The following AOAH variants were observed in gnomAD, a reference collection of about 807,000 sequenced individuals.
AOAH encodes the protein acyloxyacyl hydrolase, also known as acyloxyacyl hydrolase (neutrophil).
Under a neutral mutation model 92.2 loss-of-function variants are expected in AOAH, and 64 were observed. That is an observed-to-expected ratio of 0.69 (90% CI 0.57 to 0.86). AOAH has a LOEUF of 0.86. Among genes scored for constraint, AOAH ranks in the 40% least tolerant of loss-of-function variants. The probability of loss-of-function intolerance (pLI) is 0.00; values close to 1 mark genes in which losing one functional copy is unlikely to be tolerated. For synonymous variants in AOAH, 263 were observed against 254.5 expected (o/e 1.03, Z -0.32); for missense variants, 656 against 694.6 (o/e 0.94, Z 0.62).
At chr7:36,620,981 A>C in intron 8 of AOAH, 152 bp from the exon 9 acceptor site, 1 of 712,076 alleles carries the variant, frequency 1.4e-6, no homozygotes, top group South Asian at 2.0e-5. Flanking sequence ...ATCACATCCC[A>C]TTGTGTGTTG....
intron 12 of AOAH, among the ~76,000 whole-genome samples, chr7:36,591,701 C>T (rs993901003): frequency 6.6e-6 from 1 of 152,126 alleles, no homozygotes; most frequent in Non-Finnish European, 1.5e-5. Flanking sequence ...GGTGGGAGGA[C>T]AGAACAGATG....
At chr7:36,657,321 C>T (rs117041910) in intron 4 of AOAH, among the ~76,000 whole-genome samples, 2,933 of 152,202 alleles carry the variant, frequency 0.019, 72 homozygotes, top group Non-Finnish European at 0.023. Context: ...CAGGAAGTCA[C>T]ATAACTTCTC....
At chr7:36,563,037 C>T (rs1367612306) in intron 13 of AOAH, among the ~76,000 whole-genome samples, 1 of 151,038 alleles carries the variant, frequency 6.6e-6, no homozygotes, top group Non-Finnish European at 1.5e-5. Flanking sequence ...ATCCCAGCTA[C>T]TCAGGAGGCT....
intron 1 of AOAH, among the ~76,000 whole-genome samples, chr7:36,716,708 C>A (rs1208672510): frequency 6.7e-6 from 1 of 149,778 alleles, no homozygotes; most frequent in Non-Finnish European, 1.5e-5. Flanking sequence ...TCATCCTCAG[C>A]AAACTATCAG....
At chr7:36,651,662 C>T (rs901411957) in intron 4 of AOAH, among the ~76,000 whole-genome samples, 1 of 152,180 alleles carries the variant, frequency 6.6e-6, no homozygotes, top group African/African-American at 2.4e-5. Flanking sequence ...GAATGTGCTC[C>T]AGAATCTATG....
chr7:36,592,179 G>C (rs763449363), intron 12 of AOAH, among the ~76,000 whole-genome samples: 1 of 152,118 alleles, frequency 6.6e-6, no homozygotes, highest in Non-Finnish European at 1.5e-5. Context: ...CTTTTATTGA[G>C]AAATGACTAG....
chr7:36,628,030 G>A (rs1018105684), intron 6 of AOAH, among the ~76,000 whole-genome samples: 2 of 152,116 alleles, frequency 1.3e-5, no homozygotes, highest in Non-Finnish European at 2.9e-5. Context: ...TATGTGGGTG[G>A]ATGTGTTATC....
chr7:36,557,250 G>A (rs1583812289), intron 13 of AOAH, among the ~76,000 whole-genome samples: 3 of 151,808 alleles, frequency 2.0e-5, no homozygotes, highest in Admixed American at 6.6e-5. Context: ...ATGAAGCTTA[G>A]TTTGGCTGGA....
intron 1 of AOAH, among the ~76,000 whole-genome samples, chr7:36,718,802 T>G (rs1799428237): frequency 6.6e-6 from 1 of 151,976 alleles, no homozygotes. Context: ...AAATGGGGAG[T>G]AAATGCTAAG....
In AOAH at chr7:36,594,398, G is replaced by A; in HGVS notation, c.879C>T (p.Thr293=). 1 of 1,614,028 alleles carries A rather than the reference G, an allele frequency of 6.2e-7. No homozygotes were observed. Among genetic ancestry groups the A allele is most frequent in the Non-Finnish European group, 8.5e-7 (1 of 1,179,910 alleles). Residue 293 remains threonine (T), a synonymous_variant, in exon 12 of 21, where the codon ACC becomes ACT. Coordinates refer to ENST00000617537, the MANE Select transcript of AOAH (RefSeq NM_001637.4). ...AGAGTTGGGGCCAGTCAAGCTCGTT[G>A]GTAAGGGCTGTTGGTAGATTGATGA... The part of the protein sequence containing the change: ...NSFINLPTAL[T]NELDWPQLSG...
chr7:36,716,999 AATAAATAAATAAAT>A (rs1365089456), intron 1 of AOAH, among the ~76,000 whole-genome samples: 2 of 151,454 alleles, frequency 1.3e-5, no homozygotes, highest in East Asian at 3.9e-4. Context: ...TAAATAAATA[AATAAATAAATAAAT>A]AAATAAAAAA....
chr7:36,700,315 T>C (rs968715280), intron 1 of AOAH, among the ~76,000 whole-genome samples: 9 of 152,152 alleles, frequency 5.9e-5, no homozygotes, highest in Admixed American at 3.3e-4. Context: ...TAATTTCTCT[T>C]TCCTCACTCC....
chr7:36,691,016 A>G (rs1347485778), intron 1 of AOAH, among the ~76,000 whole-genome samples: 2 of 152,230 alleles, frequency 1.3e-5, no homozygotes, highest in East Asian at 3.9e-4. Flanking sequence ...TGAAACCCAC[A>G]CTTTGCTGAA....
At position 36,570,057 on chromosome 7, in the gene AOAH, G is replaced by A. The variant is rs150267801; in HGVS notation, c.1021+6517C>T. 1.3e-3 allele frequency among the ~76,000 whole-genome samples: 202 copies of A among 151,974 alleles called. 1 individual carries two copies. Among genetic ancestry groups the A allele is most frequent in the African/African-American group, 4.7e-3 (193 of 41,412 alleles). On this transcript the variant is annotated intron_variant, in intron 13 of 20. Coordinates refer to ENST00000617537, the MANE Select transcript of AOAH (RefSeq NM_001637.4). ...CTGTTCTCTTAATAGATTTTTAAGCGCACAATACAGTACTATCATCTCTAG... is the reference window on the plus strand; with the variant it reads ...CTGTTCTCTTAATAGATTTTTAAGCACACAATACAGTACTATCATCTCTAG...
intron 11 of AOAH, among the ~76,000 whole-genome samples, chr7:36,597,023 T>C (rs1790176578): frequency 6.6e-6 from 1 of 152,160 alleles, no homozygotes; most frequent in African/African-American, 2.4e-5. Flanking sequence ...CCTTCTTCAA[T>C]TGCCTCCTCC....
chr7:36,560,448 A>T (rs1407888234), intron 13 of AOAH, among the ~76,000 whole-genome samples: 1 of 151,720 alleles, frequency 6.6e-6, no homozygotes, highest in East Asian at 1.9e-4. Flanking sequence ...GAGGTCTTTG[A>T]CCTCCTTGGT....
At chr7:36,717,360 T>A (rs1584190025) in intron 1 of AOAH, among the ~76,000 whole-genome samples, 1 of 152,252 alleles carries the variant, frequency 6.6e-6, no homozygotes, top group Admixed American at 6.5e-5. Context: ...CATCTCTGTA[T>A]TTTGAGCTCT....
intron 1 of AOAH, among the ~76,000 whole-genome samples, chr7:36,722,935 GAAAAAAAAAAAAAA>G (rs11407908): frequency 8.1e-5 from 4 of 49,462 alleles, no homozygotes; most frequent in Admixed American, 2.9e-4. Flanking sequence ...ATCCATCTCA[GAAAAAAAAAAAAAA>G]AAAAAAAAAA....
chr7:36,599,180 G>T (rs185131158), intron 11 of AOAH, among the ~76,000 whole-genome samples: 75 of 152,310 alleles, frequency 4.9e-4, no homozygotes, highest in East Asian at 4.6e-3. Flanking sequence ...GTATGTGTGT[G>T]TGTATTTCCA....
Sources: allele counts gnomAD v4.1 joint callset (sites outside exome capture counted in the v4.1 genomes callset), GRCh38; gene constraint gnomAD v4.1.1; transcripts MANE v1.5; gene names NCBI Gene and HGNC (gene_info 2026-07-23, HGNC 2026-07-21).